Variants in PTPRG observed in about 807,000 individuals in gnomAD.
PTPRG encodes receptor-type tyrosine-protein phosphatase gamma.
Under a neutral mutation model 165.3 loss-of-function variants are expected in PTPRG, and 102 were observed. The ratio of observed to expected loss-of-function variants is 0.62; its 90% CI spans 0.53 to 0.73. PTPRG has a LOEUF of 0.73. PTPRG is among the 30% of genes least tolerant of loss of function. The pLI, the probability that PTPRG is intolerant of heterozygous loss-of-function variation, is 0.00. For missense variants in PTPRG, 1,866 were observed against 1,861.4 expected (o/e 1.00, Z -0.05); for synonymous variants, 675 against 669.5 (o/e 1.01, Z -0.13).
chr3:61,685,224 A>T (rs2107132471), intron 1 of PTPRG, among the ~76,000 whole-genome samples: 1 of 152,356 alleles, frequency 6.6e-6, no homozygotes, highest in Non-Finnish European at 1.5e-5. Context: ...GGAAGAGTTC[A>T]AGACAAGGAA....
chr3:62,239,004 G>A (rs980412768), intron 14 of PTPRG, among the ~76,000 whole-genome samples: 2 of 152,126 alleles, frequency 1.3e-5, no homozygotes, highest in African/African-American at 4.8e-5. Flanking sequence ...CCCAGGCGTT[G>A]GGGAAGGGAT....
intron 2 of PTPRG, among the ~76,000 whole-genome samples, chr3:61,825,446 G>C (rs1482357322): frequency 6.6e-6 from 1 of 152,102 alleles, no homozygotes; most frequent in Non-Finnish European, 1.5e-5. Context: ...AGGGAAAAGT[G>C]GAAACATAAG....
At chr3:61,692,823 C>T (rs952793428) in intron 1 of PTPRG, among the ~76,000 whole-genome samples, 36 of 152,240 alleles carry the variant, frequency 2.4e-4, no homozygotes, top group African/African-American at 7.7e-4. Flanking sequence ...TGGATGTGTA[C>T]GTGCAGGTCA....
At chr3:62,192,456 T>TGC (rs1559629272) in intron 9 of PTPRG, among the ~76,000 whole-genome samples, 133 of 130,034 alleles carry the variant, frequency 1.0e-3, no homozygotes, top group African/African-American at 3.6e-3. Flanking sequence ...TCGCCCAGGC[T>TGC]GGAGTGCAGT....
intron 2 of PTPRG, among the ~76,000 whole-genome samples, chr3:61,757,470 C>A (rs1434685589): frequency 6.6e-6 from 1 of 151,844 alleles, no homozygotes; most frequent in Admixed American, 6.6e-5. Flanking sequence ...AAGCAAAAAC[C>A]TTTTTGTCTC....
intron 13 of PTPRG, among the ~76,000 whole-genome samples, chr3:62,223,016 C>T (rs1414383727): frequency 1.3e-5 from 2 of 152,088 alleles, no homozygotes; most frequent in Admixed American, 6.6e-5. Context: ...GGGCCTTGAA[C>T]CACAACCAGC....
chr3:61,681,581 T>C (rs1269506010), intron 1 of PTPRG, among the ~76,000 whole-genome samples: 1 of 152,160 alleles, frequency 6.6e-6, no homozygotes, highest in Non-Finnish European at 1.5e-5. Flanking sequence ...TTTCCCAATA[T>C]ATGCTTCATT....
chr3:62,027,403 C>T (rs1699597337), intron 4 of PTPRG, among the ~76,000 whole-genome samples: 1 of 152,094 alleles, frequency 6.6e-6, no homozygotes, highest in African/African-American at 2.4e-5. Context: ...ATTTCTATTG[C>T]ATTCCTCCTG....
chr3:61,996,395 C>T (rs1390440728), intron 3 of PTPRG, among the ~76,000 whole-genome samples: 1 of 152,094 alleles, frequency 6.6e-6, no homozygotes. Context: ...GATGGTAGAC[C>T]ATTGTGGAGT....
At chr3:62,075,027 T>TTGAGAAAAATAG (rs1319251397) in intron 4 of PTPRG, among the ~76,000 whole-genome samples, 1 of 152,200 alleles carries the variant, frequency 6.6e-6, no homozygotes, top group Admixed American at 6.5e-5. Flanking sequence ...AGGCTACAAC[T>TTGAGAAAAATAG]TGAGAAAAAT....
chr3:61,635,855 G>T (rs1432659241), intron 1 of PTPRG, among the ~76,000 whole-genome samples: 1 of 151,958 alleles, frequency 6.6e-6, no homozygotes, highest in Non-Finnish European at 1.5e-5. Flanking sequence ...TTAGAGTTTT[G>T]GTATCTCAGA....
At chr3:62,067,839 A>G (rs1701068914) in intron 4 of PTPRG, among the ~76,000 whole-genome samples, 1 of 152,190 alleles carries the variant, frequency 6.6e-6, no homozygotes, top group African/African-American at 2.4e-5. Context: ...TCTGTGCTAG[A>G]TGCCTATCAC....
At chr3:61,668,351 G>T (rs1226867214) in intron 1 of PTPRG, among the ~76,000 whole-genome samples, 3 of 152,106 alleles carry the variant, frequency 2.0e-5, no homozygotes, top group African/African-American at 7.2e-5. Flanking sequence ...AGATAAACAT[G>T]TGAAAAATGG....
At chr3:61,797,605 C>T (rs554210114) in intron 2 of PTPRG, among the ~76,000 whole-genome samples, 15 of 150,772 alleles carry the variant, frequency 9.9e-5, no homozygotes, top group African/African-American at 3.2e-4. Flanking sequence ...CCCCACCTCC[C>T]GCCTTCCTTT....
intron 1 of PTPRG, among the ~76,000 whole-genome samples, chr3:61,715,559 A>G (rs1575606261): frequency 1.3e-5 from 2 of 152,020 alleles, no homozygotes; most frequent in African/African-American, 4.8e-5. Flanking sequence ...CCCAGATCGT[A>G]TGTCTTGCCC....
chr3:61,966,263 G>A (rs1446486062), intron 2 of PTPRG, among the ~76,000 whole-genome samples: 2 of 152,182 alleles, frequency 1.3e-5, no homozygotes, highest in Admixed American at 6.5e-5. Flanking sequence ...AGTATTATAA[G>A]TTAATTACTT....
rs755517164 is a variant in PTPRG at position 62,276,980 on chromosome 3, G to T, written c.3568G>T (p.Ala1190Ser). Residue 1190 changes from alanine (A) to serine (S), a missense_variant, in exon 25 of 30, where the codon GCT (alanine) becomes TCT (serine). Coordinates refer to ENST00000474889, the MANE Select transcript of PTPRG (RefSeq NM_002841.4). ...TTTTTTCCATATGATAGCTGAGCGT[G>T]CTCGAGTGGGTCTTGCACCATTGCC... ...RNSSVVPSER[A>S]RVGLAPLPGM... is the part of the protein sequence containing the mutation. 6.2e-7 allele frequency: 1 copy of T among 1,612,808 alleles called. No individual in the cohort carries two copies. Among genetic ancestry groups the T allele is most frequent in the Non-Finnish European group, 8.5e-7 (1 of 1,179,248 alleles).
At chr3:62,204,829 A>G (rs886149253) in intron 12 of PTPRG, among the ~76,000 whole-genome samples, 2 of 152,180 alleles carry the variant, frequency 1.3e-5, no homozygotes, top group Non-Finnish European at 2.9e-5. Flanking sequence ...TTGTTGCTCT[A>G]TCATATGCTC....
At chr3:62,135,786 A>G (rs1240541271) in intron 6 of PTPRG, among the ~76,000 whole-genome samples, 1 of 152,140 alleles carries the variant, frequency 6.6e-6, no homozygotes, top group South Asian at 2.1e-4. Flanking sequence ...CACCTCTGCA[A>G]GGAGAGAGGT....
Sources: gnomAD v4.1 joint callset for allele counts (sites outside exome capture counted in the v4.1 genomes callset) on GRCh38, gnomAD v4.1.1 for gene constraint, MANE v1.5 for transcripts, NCBI Gene and HGNC (gene_info 2026-07-23, HGNC 2026-07-21) for gene names.